ARID2: variants seen among roughly 807,000 people sequenced by gnomAD.
ARID2 encodes the protein AT-rich interaction domain 2.
A neutral mutation model predicts 184.6 loss-of-function variants in ARID2; 32 were observed. The ratio of observed to expected loss-of-function variants is 0.17; its 90% CI spans 0.13 to 0.23. The LOEUF is 0.23. Ranked by LOEUF, ARID2 falls within the 10% of genes least tolerant of loss-of-function variation. The pLI, the probability that ARID2 is intolerant of heterozygous loss-of-function variation, is 1.00. For missense variants in ARID2, 1,696 were observed against 2,197.6 expected, an observed-to-expected ratio of 0.77 and a Z score of 4.56; for synonymous variants, 836 against 772.6, an observed-to-expected ratio of 1.08 and a Z score of -1.36.
intron 3 of ARID2, among the ~76,000 whole-genome samples, chr12:45,778,294 T>A (rs12321648): frequency 0.021 from 3,221 of 152,276 alleles, 119 homozygotes; most frequent in African/African-American, 0.073. Flanking sequence ...AGGATATAGA[T>A]GGCAGAGTAG....
intron 10 of ARID2, among the ~76,000 whole-genome samples, chr12:45,838,361 TAAAG>T (rs1943259089): frequency 6.6e-6 from 1 of 152,212 alleles, no homozygotes; most frequent in South Asian, 2.1e-4. Context: ...TCAGAGTTAA[TAAAG>T]ATTCAGCTTG....
intron 3 of ARID2, among the ~76,000 whole-genome samples, chr12:45,766,623 C>G (rs1194957545): frequency 6.6e-6 from 1 of 151,778 alleles, no homozygotes; most frequent in Non-Finnish European, 1.5e-5. Flanking sequence ...ATGCCCTTCT[C>G]CTGCCTCAGC....
chr12:45,770,244 C>T (rs887415015), intron 3 of ARID2, among the ~76,000 whole-genome samples: 25 of 151,458 alleles, frequency 1.7e-4, no homozygotes, highest in African/African-American at 6.1e-4. Context: ...CAGAGCGAGA[C>T]TCCATCTCAA....
At chr12:45,872,053 T>C (rs1169514520) in intron 16 of ARID2, among the ~76,000 whole-genome samples, 2 of 152,018 alleles carry the variant, frequency 1.3e-5, no homozygotes, top group Non-Finnish European at 1.5e-5. Flanking sequence ...GAATTTTTTT[T>C]CCCCCAAAGA....
At chr12:45,732,419 C>T (rs189818720) in intron 3 of ARID2, among the ~76,000 whole-genome samples, 86 of 152,168 alleles carry the variant, frequency 5.7e-4, no homozygotes, top group African/African-American at 2.0e-3. Flanking sequence ...AGCTGGAGTT[C>T]GCAGAACTTT....
chr12:45,885,972 T>C (rs1326580760), intron 16 of ARID2, among the ~76,000 whole-genome samples: 1 of 152,058 alleles, frequency 6.6e-6, no homozygotes, highest in Non-Finnish European at 1.5e-5. Context: ...CTCCCAAATC[T>C]CATGTCCTCA....
intron 11 of ARID2, chr12:45,840,406 C>A (rs1411359503): frequency 6.6e-6 from 1 of 152,162 alleles, no homozygotes; most frequent in Non-Finnish European, 1.5e-5. Context: ...CATCTGGACT[C>A]ATTTTCCTTT....
chr12:45,842,222 C>G (rs1210255435), intron 11 of ARID2: 1 of 146,550 alleles, frequency 6.8e-6, no homozygotes, highest in Non-Finnish European at 1.5e-5. Context: ...AGAGCAAGAA[C>G]CTGGTCTATC....
intron 3 of ARID2, among the ~76,000 whole-genome samples, chr12:45,786,196 A>G (rs1375207772): frequency 1.3e-5 from 2 of 152,166 alleles, no homozygotes; most frequent in Non-Finnish European, 2.9e-5. Context: ...TGGTCTATCA[A>G]TGAAAAACAA....
rs375996542 is a variant in ARID2, at chr12:45,778,461, GA to G, written c.285-32956del. ...TATGTTAGTACTTAGTGCTGTTTTT[GA>G]TATTTGTGTGTATATAGATAGGTAG... is the stretch of plus-strand genomic sequence containing the variant. On this transcript the variant is annotated intron_variant, in intron 3 of 20. Transcript: ENST00000334344. Among the ~76,000 whole-genome samples, 344 of 152,152 alleles carry G rather than the reference GA, an allele frequency of 2.3e-3. 12 individuals are homozygous for G. The South Asian group carries it at 0.067, about 30-fold the overall frequency.
chr12:45,836,125 A>G (rs982953204), intron 6 of ARID2, among the ~76,000 whole-genome samples: 12 of 152,226 alleles, frequency 7.9e-5, no homozygotes, highest in African/African-American at 2.9e-4. Flanking sequence ...CAAAGAATTA[A>G]TTCCCTAGAA....
At chr12:45,838,451 C>T (rs1943260726) in intron 10 of ARID2, among the ~76,000 whole-genome samples, 3 of 152,184 alleles carry the variant, frequency 2.0e-5, no homozygotes, top group Admixed American at 2.0e-4. Flanking sequence ...ACATCAGAAT[C>T]ACTTGAGAAT....
At chr12:45,821,368 A>T in intron 5 of ARID2, 52 bp from the exon 6 acceptor site, 1 of 1,134,890 alleles carries the variant, frequency 8.8e-7, no homozygotes, top group Non-Finnish European at 1.2e-6. Context: ...TAATTAATTG[A>T]AAGAATTTAT....
rs1944539745 is a variant in ARID2, at chr12:45,907,076, A to G, written c.*1998A>G. ...CATGTCTCAAAGGAATGTTTGAGAA[A>G]CTTCATCTAATATTAGTTATAAGGT... On this transcript the variant is annotated 3_prime_UTR_variant, in exon 21 of 21. Coordinates refer to ENST00000334344, the MANE Select transcript of ARID2 (RefSeq NM_152641.4). The G allele has an allele frequency of 4.3e-6, 1 of 232,168 alleles. No homozygotes were observed. The highest frequency in any genetic ancestry group is 8.5e-6 in the Non-Finnish European group (1 of 117,454). 14.4% of individuals were successfully genotyped at this position (232,168 alleles called of 1,614,324 possible).
chr12:45,737,940 T>G (rs1941162347), intron 3 of ARID2, among the ~76,000 whole-genome samples: 1 of 152,152 alleles, frequency 6.6e-6, no homozygotes, highest in Non-Finnish European at 1.5e-5. Context: ...TCCACTTTAG[T>G]TAAGGGAAAA....
chr12:45,797,156 A>G (rs1484593071), intron 3 of ARID2, among the ~76,000 whole-genome samples: 2 of 152,200 alleles, frequency 1.3e-5, no homozygotes, highest in African/African-American at 4.8e-5. Flanking sequence ...ACACACAAAC[A>G]CATAGTTTTC....
At chr12:45,792,463 T>G in intron 3 of ARID2, among the ~76,000 whole-genome samples, 1 of 152,174 alleles carries the variant, frequency 6.6e-6, no homozygotes, top group East Asian at 1.9e-4. Context: ...TTTAAATATA[T>G]TCTATCTGTG....
chr12:45,737,333 T>C (rs982725206), intron 3 of ARID2, among the ~76,000 whole-genome samples: 1 of 152,092 alleles, frequency 6.6e-6, no homozygotes, highest in African/African-American at 2.4e-5. Context: ...TTTGATGTTT[T>C]GGCTGCTGCC....
At chr12:45,857,897 C>A (rs1037148115) in intron 15 of ARID2, among the ~76,000 whole-genome samples, 5 of 152,086 alleles carry the variant, frequency 3.3e-5, no homozygotes, top group African/African-American at 1.2e-4. Flanking sequence ...GTGGCTGGCA[C>A]TACAGGTGCA....
Sources: gnomAD v4.1 joint callset for allele counts (sites outside exome capture counted in the v4.1 genomes callset) on GRCh38, gnomAD v4.1.1 for gene constraint, MANE v1.5 for transcripts, NCBI Gene and HGNC (gene_info 2026-07-23, HGNC 2026-07-21) for gene names.